PTGER3: variants seen among roughly 807,000 people sequenced by gnomAD.
The protein encoded by PTGER3 is prostaglandin E receptor 3.
In PTGER3, 22 loss-of-function variants were observed where a neutral mutation model predicts 34.7. The ratio of observed to expected loss-of-function variants is 0.63; its 90% CI spans 0.45 to 0.91. The LOEUF is 0.91. Ranked by LOEUF, PTGER3 falls within the 40% of genes least tolerant of loss-of-function variation. The pLI, the probability that PTGER3 is intolerant of heterozygous loss-of-function variation, is 0.00. For missense variants in PTGER3, 468 were observed against 519.4 expected (o/e 0.90, Z 0.96); for synonymous variants, 241 against 230.1 (o/e 1.05, Z -0.43).
At chr1:70,981,357 T>G (rs1480826311) in intron 2 of PTGER3, among the ~76,000 whole-genome samples, 3 of 106,294 alleles carry the variant, frequency 2.8e-5, no homozygotes, top group African/African-American at 1.1e-4. Flanking sequence ...CTTTCTTTCT[T>G]TCTTTCTTTC....
chr1:70,986,811 G>T (rs937504301), intron 2 of PTGER3, among the ~76,000 whole-genome samples: 1 of 152,128 alleles, frequency 6.6e-6, no homozygotes, highest in African/African-American at 2.4e-5. Flanking sequence ...GACAACATTT[G>T]CCTCAAAGAG....
downstream of PTGER3, among the ~76,000 whole-genome samples, chr1:70,970,077 G>C (rs1467453095): frequency 6.6e-6 from 1 of 152,084 alleles, no homozygotes; most frequent in Non-Finnish European, 1.5e-5. Flanking sequence ...CTTGTAAACA[G>C]AATATCACTG....
At chr1:70,886,317 C>T (rs747907283) in intron 4 of PTGER3, 17 of 449,802 alleles carry the variant, frequency 3.8e-5, no homozygotes, top group Non-Finnish European at 6.3e-5. Flanking sequence ...CTGAACTTGC[C>T]GGCCTCCAGA....
At chr1:70,936,338 G>GTT (rs1649226360) in intron 4 of PTGER3, among the ~76,000 whole-genome samples, 1 of 152,190 alleles carries the variant, frequency 6.6e-6, no homozygotes, top group Non-Finnish European at 1.5e-5. Context: ...ACACACAAAA[G>GTT]TGTAGAGGCT....
intron 4 of PTGER3, chr1:70,862,531 C>T: frequency 1.4e-5 from 6 of 432,338 alleles, no homozygotes; most frequent in South Asian, 1.2e-4. Flanking sequence ...AGGGGAGAGT[C>T]TCATGGCTTT....
At chr1:70,911,066 C>T (rs1173819461) in intron 4 of PTGER3, among the ~76,000 whole-genome samples, 2 of 146,244 alleles carry the variant, frequency 1.4e-5, no homozygotes, top group South Asian at 2.2e-4. Flanking sequence ...GGCGACAGAG[C>T]GAGACTCCAT....
chr1:71,010,539 G>C (rs1657349304), intron 2 of PTGER3: 7 of 984,098 alleles, frequency 7.1e-6, no homozygotes, highest in Non-Finnish European at 8.4e-6. Context: ...GTGTCTATCT[G>C]ACTAGAACTT....
At chr1:70,883,363 G>A (rs1284553320) in intron 4 of PTGER3, among the ~76,000 whole-genome samples, 1 of 152,098 alleles carries the variant, frequency 6.6e-6, no homozygotes, top group Non-Finnish European at 1.5e-5. Context: ...TACTTTGAAG[G>A]AAGATTTCAC....
chr1:70,854,615 C>G (rs925329488), intron 4 of PTGER3, among the ~76,000 whole-genome samples: 1 of 152,174 alleles, frequency 6.6e-6, no homozygotes, highest in African/African-American at 2.4e-5. Flanking sequence ...CTCTCGGTCT[C>G]TATCCTGCTG....
chr1:70,894,043 C>T (rs1646673154), intron 4 of PTGER3, among the ~76,000 whole-genome samples: 1 of 152,160 alleles, frequency 6.6e-6, no homozygotes, highest in African/African-American at 2.4e-5. Context: ...CATGGTGGCT[C>T]ACGCCAGTAA....
chr1:70,938,368 T>C (rs1340965768), intron 4 of PTGER3, among the ~76,000 whole-genome samples: 1 of 152,164 alleles, frequency 6.6e-6, no homozygotes, highest in Non-Finnish European at 1.5e-5. Flanking sequence ...TTACAATGAT[T>C]TATAAAATGT....
At chr1:71,010,740 A>C in intron 2 of PTGER3, 1 of 985,250 alleles carries the variant, frequency 1.0e-6, no homozygotes, top group Non-Finnish European at 1.2e-6. Flanking sequence ...TAGAACCATC[A>C]TTAATTACAT....
chr1:70,983,847 C>A (rs1654635763), intron 2 of PTGER3, among the ~76,000 whole-genome samples: 1 of 152,056 alleles, frequency 6.6e-6, no homozygotes, highest in Non-Finnish European at 1.5e-5. Context: ...CAGTTTGTTC[C>A]ACACGTAGAG....
chr1:70,852,977 TCACTTA>T, intron 4 of PTGER3: 1 of 1,165,404 alleles, frequency 8.6e-7, no homozygotes, highest in Non-Finnish European at 1.3e-6. Flanking sequence ...GAATGGTAAA[TCACTTA>T]CAGCAGTATA....
rs186505651 is a variant in PTGER3, at chr1:70,939,145, C to T, written c.*23+14618G>A. Among the ~76,000 whole-genome samples the T allele has an allele frequency of 2.2e-3, 333 of 152,214 alleles. 1 individual carries two copies. The highest frequency in any genetic ancestry group is 3.6e-3 in the Admixed American group (55 of 15,278). On this transcript the variant is annotated intron_variant, in intron 4 of 4. Transcript: ENST00000370931. Reference sequence around the variant, plus strand: ...GACATTGGCCAAAACAAAGGAGTTTCGGGAACCGTGCAAGTCCAAAATCCA... The same window carrying T: ...GACATTGGCCAAAACAAAGGAGTTTTGGGAACCGTGCAAGTCCAAAATCCA...
At chr1:71,033,723 T>A (rs1486512387) in intron 1 of PTGER3, among the ~76,000 whole-genome samples, 2 of 152,168 alleles carry the variant, frequency 1.3e-5, no homozygotes, top group African/African-American at 2.4e-5. Flanking sequence ...TTGAGTCAAT[T>A]TCAAGTTTCT....
At chr1:71,008,474 C>T in intron 2 of PTGER3, 2 of 911,138 alleles carry the variant, frequency 2.2e-6, no homozygotes, top group Non-Finnish European at 2.6e-6. Context: ...AATATTTTCC[C>T]TAATTCTTTT....
At chr1:71,035,161 C>T (rs1320557362) in intron 1 of PTGER3, among the ~76,000 whole-genome samples, 2 of 152,092 alleles carry the variant, frequency 1.3e-5, no homozygotes, top group South Asian at 2.1e-4. Context: ...TTTTCCTAAA[C>T]GAGGTTTGTG....
intron 4 of PTGER3, among the ~76,000 whole-genome samples, chr1:70,919,169 G>A (rs537355506): frequency 1.6e-4 from 25 of 152,216 alleles, no homozygotes; most frequent in Admixed American, 7.9e-4. Flanking sequence ...CTCTAAAAAT[G>A]TAAACCACCA....
Sources: gnomAD v4.1 joint callset for allele counts (sites outside exome capture counted in the v4.1 genomes callset) on GRCh38, gnomAD v4.1.1 for gene constraint, MANE v1.5 for transcripts, NCBI Gene and HGNC (gene_info 2026-07-23, HGNC 2026-07-21) for gene names.